The following FIGN variants were observed in gnomAD, a reference collection of about 807,000 sequenced individuals.
FIGN encodes fidgetin, microtubule severing factor, also known as fidgetin.
Under a neutral mutation model 51.3 loss-of-function variants are expected in FIGN, and 11 were observed. That is an observed-to-expected ratio of 0.21 (90% confidence interval 0.13 to 0.35). The LOEUF (loss-of-function observed/expected upper bound fraction) is 0.35, where lower values mean the gene tolerates loss of function less well. Among genes scored for constraint, FIGN ranks in the 10% least tolerant of loss-of-function variants. The pLI, the probability that FIGN is intolerant of heterozygous loss-of-function variation, is 1.00. For missense variants in FIGN, 857 were observed against 943.6 expected, an observed-to-expected ratio of 0.91 and a Z score of 1.20; for synonymous variants, 407 against 363.2, an observed-to-expected ratio of 1.12 and a Z score of -1.37.
intron 2 of FIGN, among the ~76,000 whole-genome samples, chr2:163,670,944 G>C (rs1053879019): frequency 6.6e-6 from 1 of 152,142 alleles, no homozygotes; most frequent in Non-Finnish European, 1.5e-5. Flanking sequence ...CCTTTTTAAA[G>C]AATACTGTTG....
chr2:163,683,231 C>T (rs2105340381), intron 2 of FIGN, among the ~76,000 whole-genome samples: 1 of 152,220 alleles, frequency 6.6e-6, no homozygotes, highest in East Asian at 1.9e-4. Flanking sequence ...TTCTCTTCTA[C>T]TCGTAAAGTG....
chr2:163,731,286 A>G (rs1206202988), intron 2 of FIGN, among the ~76,000 whole-genome samples: 1 of 152,162 alleles, frequency 6.6e-6, no homozygotes, highest in Non-Finnish European at 1.5e-5. Context: ...TAATTAACCT[A>G]TAATGAAATT....
intron 2 of FIGN, chr2:163,612,555 T>C: frequency 1.0e-6 from 1 of 985,142 alleles, no homozygotes; most frequent in Non-Finnish European, 1.2e-6. Context: ...AACTGGCTCC[T>C]TTCTGCCTCT....
chr2:163,681,433 A>G (rs1684060415), intron 2 of FIGN, among the ~76,000 whole-genome samples: 1 of 152,154 alleles, frequency 6.6e-6, no homozygotes, highest in South Asian at 2.1e-4. Context: ...CCTGGTGGCC[A>G]TGAACAGTGG....
chr2:163,695,428 C>G (rs1684302609), intron 2 of FIGN, among the ~76,000 whole-genome samples: 1 of 152,148 alleles, frequency 6.6e-6, no homozygotes, highest in Non-Finnish European at 1.5e-5. Flanking sequence ...TAGTGATGCC[C>G]TCGGCATCAT....
At chr2:163,623,881 C>G (rs1169735835) in intron 2 of FIGN, among the ~76,000 whole-genome samples, 1 of 152,004 alleles carries the variant, frequency 6.6e-6, no homozygotes, top group Non-Finnish European at 1.5e-5. Flanking sequence ...AAATAATATG[C>G]TCTAAAAAAA....
At chr2:163,643,650 C>CAA (rs60064980) in intron 2 of FIGN, among the ~76,000 whole-genome samples, 19 of 99,364 alleles carry the variant, frequency 1.9e-4, no homozygotes, top group African/African-American at 5.9e-4. Context: ...GACTCAGTCT[C>CAA]AAAAAAAAAA....
In FIGN at chr2:163,627,743, C is replaced by A. The variant is rs536055686; in HGVS notation, c.26-15937G>T. Among the ~76,000 whole-genome samples, 3 of 152,220 alleles carry A rather than the reference C, an allele frequency of 2.0e-5. No individual in the cohort carries two copies. In the East Asian group the frequency reaches 5.8e-4, roughly 29 times the overall value. On this transcript the variant is annotated intron_variant, in intron 2 of 2. Transcript: ENST00000333129. ...TGAACTAAAAAAGATTAAGCAAACA[C>A]CCTTCCACATATTTCCATGAAACAA...
intron 2 of FIGN, among the ~76,000 whole-genome samples, chr2:163,632,135 C>T (rs919068741): frequency 1.5e-4 from 22 of 151,656 alleles, no homozygotes; most frequent in Admixed American, 9.9e-4. Flanking sequence ...GCAAGAAGAG[C>T]GAAACTCCAT....
intron 2 of FIGN, among the ~76,000 whole-genome samples, chr2:163,726,431 T>G (rs1684839199): frequency 6.6e-6 from 1 of 152,120 alleles, no homozygotes; most frequent in Non-Finnish European, 1.5e-5. Flanking sequence ...AATATAGATG[T>G]GCTTTAGAAA....
At chr2:163,621,182 G>C (rs540933477) in intron 2 of FIGN, among the ~76,000 whole-genome samples, 3 of 152,198 alleles carry the variant, frequency 2.0e-5, no homozygotes, top group Non-Finnish European at 2.9e-5. Flanking sequence ...CATGTTGAGG[G>C]TAAAACTGTT....
chr2:163,694,947 C>A (rs985599443), intron 2 of FIGN, among the ~76,000 whole-genome samples: 2 of 152,074 alleles, frequency 1.3e-5, no homozygotes, highest in African/African-American at 4.8e-5. Flanking sequence ...ATCACCACAC[C>A]CAGCTGTTCT....
At position 163,609,192 on chromosome 2, in the gene FIGN, C is replaced by T. The variant is rs935459263; in HGVS notation, c.*360G>A. The T allele has an allele frequency of 5.4e-5, 11 of 204,628 alleles. No individual in the cohort carries two copies. Among genetic ancestry groups the T allele is most frequent in the Non-Finnish European group, 1.1e-4 (11 of 102,058 alleles). The allele number at this position is 204,628 out of a possible 1,614,324, so 12.7% of individuals were successfully genotyped here. A position where few individuals can be genotyped will look rare whatever the true frequency, so the allele number is the denominator to read the frequency against. The stretch of plus-strand genomic sequence containing the variant: ...GTGAGGCAAACAAAAAATAAAGCAC[C>T]ACTCCAGGCACTTGACAGCAACTAA... On this transcript the variant is annotated 3_prime_UTR_variant, in exon 3 of 3. Transcript: ENST00000333129.
Position 163,605,376 on chromosome 2 carries a change from T to C in FIGN, c.*4176A>G, listed in dbSNP as rs935035866. On this transcript the variant is annotated 3_prime_UTR_variant, in exon 3 of 3. Coordinates refer to ENST00000333129, the MANE Select transcript of FIGN (RefSeq NM_018086.4). ...CTGGTTGTGAATTCTGAAATACTAA[T>C]AGCTCCAGGTTTGCTAATGTGCTTC... is the stretch of plus-strand genomic sequence containing the variant. 5 of 152,074 alleles carry C rather than the reference T, an allele frequency of 3.3e-5. No individual in the cohort carries two copies. Among genetic ancestry groups the C allele is most frequent in the Admixed American group, 2.0e-4 (3 of 15,234 alleles). The allele number at this position is 152,074 out of a possible 1,614,324, so 9.4% of individuals were successfully genotyped here. A position where few individuals can be genotyped will look rare whatever the true frequency, so the allele number is the denominator to read the frequency against.
chr2:163,616,412 C>G (rs1351978946), intron 2 of FIGN, among the ~76,000 whole-genome samples: 1 of 152,188 alleles, frequency 6.6e-6, no homozygotes, highest in Non-Finnish European at 1.5e-5. Context: ...CACTACCCAA[C>G]CCACTCCTTA....
intron 2 of FIGN, among the ~76,000 whole-genome samples, chr2:163,636,609 T>C (rs896919887): frequency 2.0e-5 from 3 of 152,078 alleles, no homozygotes; most frequent in Non-Finnish European, 2.9e-5. Flanking sequence ...ATAATGAAGA[T>C]GGTATGGATG....
At chr2:163,629,879 C>T (rs1033027686) in intron 2 of FIGN, among the ~76,000 whole-genome samples, 2 of 144,544 alleles carry the variant, frequency 1.4e-5, no homozygotes, top group African/African-American at 5.2e-5. Flanking sequence ...GGAACAGATT[C>T]TTCAAGAAAA....
chr2:163,637,776 A>G (rs183008135), intron 2 of FIGN, among the ~76,000 whole-genome samples: 108 of 152,238 alleles, frequency 7.1e-4, no homozygotes, highest in African/African-American at 2.5e-3. Context: ...ATAGAGTAAA[A>G]TGCTATGTAA....
At chr2:163,703,093 T>C (rs1292360538) in intron 2 of FIGN, among the ~76,000 whole-genome samples, 1 of 151,660 alleles carries the variant, frequency 6.6e-6, no homozygotes, top group African/African-American at 2.4e-5. Context: ...TTTATCAAAA[T>C]AAATGCTTGA....
Sources: allele counts gnomAD v4.1 joint callset (sites outside exome capture counted in the v4.1 genomes callset), GRCh38; gene constraint gnomAD v4.1.1; transcripts MANE v1.5; gene names NCBI Gene and HGNC (gene_info 2026-07-23, HGNC 2026-07-21).